The following STARD13 variants were observed in gnomAD, a reference collection of about 807,000 sequenced individuals.
STARD13 encodes the protein StAR related lipid transfer domain containing 13.
STARD13 carries 62 observed loss-of-function variants against 106.4 expected under a neutral mutation model. That is an observed-to-expected ratio of 0.58 (90% CI 0.48 to 0.72). The LOEUF (loss-of-function observed/expected upper bound fraction) is 0.72. Among genes scored for constraint, STARD13 ranks in the 30% least tolerant of loss-of-function variants. STARD13 has a pLI of 0.00. For synonymous variants in STARD13, 565 were observed against 553.0 expected, an observed-to-expected ratio of 1.02 and a Z score of -0.31; for missense variants, 1,387 against 1,424.0, an observed-to-expected ratio of 0.97 and a Z score of 0.42.
chr13:33,674,059 C>T, the STARD13 span, among the ~76,000 whole-genome samples: 2 of 152,002 alleles, frequency 1.3e-5, no homozygotes, highest in Admixed American at 1.3e-4. Flanking sequence ...AGGGTTTCAC[C>T]ATGTTGGCCA....
the STARD13 span, among the ~76,000 whole-genome samples, chr13:33,475,643 T>C: frequency 1.3e-5 from 2 of 152,212 alleles, no homozygotes; most frequent in African/African-American, 2.4e-5. Context: ...TCATACATTG[T>C]TTATTTTGTT....
At chr13:33,286,603 T>C (rs932402964), upstream of STARD13, among the ~76,000 whole-genome samples, 2 of 152,214 alleles carry the variant, frequency 1.3e-5, no homozygotes, top group Admixed American at 1.3e-4. Context: ...AGGCCATATA[T>C]ATGTCTCAAA....
chr13:33,168,382 C>G lies in STARD13; in HGVS notation c.170-760G>C, dbSNP rs971043141. 4.6e-5 allele frequency among the ~76,000 whole-genome samples: 7 copies of G among 152,032 alleles called. No individual in the cohort carries two copies. In the East Asian group the frequency reaches 1.4e-3, roughly 29 times the overall value. On this transcript the variant is annotated intron_variant, in intron 1 of 13. Transcript: ENST00000336934. ...TTTTTGGTGTGGATGCACCAACAGC[C>G]CACCGGACCACCTGCCTGGGGAAGC... is the stretch of plus-strand genomic sequence containing the variant.
At chr13:33,353,979 C>T (rs574166580), upstream of STARD13, among the ~76,000 whole-genome samples, 1 of 152,314 alleles carries the variant, frequency 6.6e-6, no homozygotes, top group South Asian at 2.1e-4. Context: ...AATGATTCTA[C>T]TCTAGGGCCA....
At chr13:33,490,533 T>C in the STARD13 span, among the ~76,000 whole-genome samples, 2 of 152,076 alleles carry the variant, frequency 1.3e-5, no homozygotes, top group African/African-American at 4.8e-5. Flanking sequence ...TGAGAGGAGT[T>C]TGGCTGGGGG....
the STARD13 span, among the ~76,000 whole-genome samples, chr13:33,486,213 A>T: frequency 6.6e-6 from 1 of 152,146 alleles, no homozygotes; most frequent in Admixed American, 6.5e-5. Flanking sequence ...GTGTCCATAC[A>T]CTTAACAAGT....
At chr13:33,385,248 T>TATATAC in the STARD13 span, among the ~76,000 whole-genome samples, 17 of 131,948 alleles carry the variant, frequency 1.3e-4, no homozygotes, top group Middle Eastern at 7.6e-3. Context: ...TATATATATA[T>TATATAC]ATATATATAT....
Position 33,129,195 on chromosome 13 carries a change from A to C in STARD13, c.1482T>G (p.Asn494Lys). 1 of 1,614,220 alleles carries C rather than the reference A, an allele frequency of 6.2e-7. No homozygotes were observed. The highest frequency in any genetic ancestry group is 8.5e-7 in the Non-Finnish European group (1 of 1,180,036). ...PHLDDILQHVNGLQEVVDDWS... is the reference protein window; with the variant it reads ...PHLDDILQHVKGLQEVVDDWS... ...AGTCATCGACTACCTCTTGGAGCCC[A>C]TTGACATGCTGCAGAATGTCATCCA... is the stretch of plus-strand genomic sequence containing the variant. The change falls in exon 5 of 14, where the codon AAT (asparagine) becomes AAG (lysine). Residue 494 changes from asparagine (N) to lysine (K), a missense_variant. Coordinates refer to ENST00000336934, the MANE Select transcript of STARD13 (RefSeq NM_178006.4).
intron 1 of STARD13, among the ~76,000 whole-genome samples, chr13:33,255,111 A>C: frequency 6.9e-6 from 1 of 145,712 alleles, no homozygotes; most frequent in East Asian, 2.0e-4. Flanking sequence ...CCCCCCCCTC[A>C]GAGGCTTGAT....
chr13:33,403,214 G>A, the STARD13 span, among the ~76,000 whole-genome samples: 16 of 152,326 alleles, frequency 1.1e-4, no homozygotes, highest in Non-Finnish European at 1.8e-4. Flanking sequence ...AACGATGACC[G>A]AACAGGCAAG....
At position 33,244,880 on chromosome 13, in the gene STARD13, G is replaced by T. The variant is rs372720212; in HGVS notation, c.169+40590C>A. ...CATACAGAACTGTGAACCAATAAAT[G>T]ACTGTTGTTTTCAGCCATTAAATTT... On this transcript the variant is annotated intron_variant, in intron 1 of 13. Coordinates refer to ENST00000336934, the MANE Select transcript of STARD13 (RefSeq NM_178006.4). Among the ~76,000 whole-genome samples the T allele has an allele frequency of 6.6e-5, 10 of 152,258 alleles. No homozygotes were observed. In the East Asian group the frequency reaches 1.9e-3, roughly 29 times the overall value.
At chr13:33,325,221 T>G (rs1054620258) in intron 1 of STARD13, among the ~76,000 whole-genome samples, 1 of 152,172 alleles carries the variant, frequency 6.6e-6, no homozygotes, top group Non-Finnish European at 1.5e-5. Flanking sequence ...TTCCTACTGA[T>G]GCTGAGTAAG....
At chr13:33,296,228 C>A (rs1892487950) in intron 1 of STARD13, among the ~76,000 whole-genome samples, 1 of 144,288 alleles carries the variant, frequency 6.9e-6, no homozygotes, top group African/African-American at 2.6e-5. Context: ...GACTTCATCT[C>A]AAAAAAAAAA....
At chr13:33,229,324 G>C (rs549482272) in intron 1 of STARD13, among the ~76,000 whole-genome samples, 1 of 152,066 alleles carries the variant, frequency 6.6e-6, no homozygotes, top group African/African-American at 2.4e-5. Flanking sequence ...GACCAAAACC[G>C]ACCCTATGGT....
the STARD13 span, among the ~76,000 whole-genome samples, chr13:33,488,048 C>A: frequency 1.3e-5 from 2 of 152,184 alleles, no homozygotes. Context: ...ATACTGCCCT[C>A]TCCTGGTTCT....
intron 1 of STARD13, among the ~76,000 whole-genome samples, chr13:33,297,623 C>A (rs1892546768): frequency 6.6e-6 from 1 of 151,148 alleles, no homozygotes. Context: ...AAAAAGCATG[C>A]TAAAGAAAAG....
intron 1 of STARD13, among the ~76,000 whole-genome samples, chr13:33,195,826 C>T (rs1467722486): frequency 6.6e-6 from 1 of 152,102 alleles, no homozygotes; most frequent in Non-Finnish European, 1.5e-5. Context: ...GTTAATAAAC[C>T]CTCTGAGCCT....
At chr13:33,336,218 C>T (rs1214384782) in intron 1 of STARD13, 2 of 152,154 alleles carry the variant, frequency 1.3e-5, no homozygotes, top group Non-Finnish European at 2.9e-5. Flanking sequence ...AATGACTGTG[C>T]TATTAAGGTT....
chr13:33,661,680 C>T, the STARD13 span, among the ~76,000 whole-genome samples: 1 of 152,172 alleles, frequency 6.6e-6, no homozygotes, highest in East Asian at 1.9e-4. Context: ...CTCGTGAGAA[C>T]TCACTAATTA....
Sources: allele counts gnomAD v4.1 joint callset (sites outside exome capture counted in the v4.1 genomes callset), GRCh38; gene constraint gnomAD v4.1.1; transcripts MANE v1.5; gene names NCBI Gene and HGNC (gene_info 2026-07-23, HGNC 2026-07-21).